Variants in CEP76 observed in about 807,000 individuals in gnomAD.
CEP76 encodes the protein centrosomal protein of 76 kDa.
In CEP76, 55 loss-of-function variants were observed where a neutral mutation model predicts 83.3. The observed-to-expected ratio is 0.66, with a 90% CI of 0.53 to 0.83. The LOEUF (loss-of-function observed/expected upper bound fraction) is 0.83, where lower values mean the gene tolerates loss of function less well. Among genes scored for constraint, CEP76 ranks in the 40% least tolerant of loss-of-function variants. The probability of loss-of-function intolerance (pLI) is 0.00; values close to 1 mark genes in which losing one functional copy is unlikely to be tolerated. For missense variants in CEP76, 694 were observed against 799.5 expected, an observed-to-expected ratio of 0.87 and a Z score of 1.59; for synonymous variants, 270 against 274.5, an observed-to-expected ratio of 0.98 and a Z score of 0.16.
chr18:12,666,707 C>T (rs1438479056), intron 12 of CEP76, among the ~76,000 whole-genome samples: 2 of 151,210 alleles, frequency 1.3e-5, no homozygotes, highest in Admixed American at 1.3e-4. Flanking sequence ...CCTTGGCCTC[C>T]TAAAGGGGTG....
At chr18:12,668,003 G>A (rs1302099943), downstream of CEP76, among the ~76,000 whole-genome samples, 3 of 151,890 alleles carry the variant, frequency 2.0e-5, no homozygotes, top group Admixed American at 1.3e-4. Flanking sequence ...AGTGGCTCAC[G>A]CCTGTAATCC....
chr18:12,682,482 C>A (rs961077003), intron 8 of CEP76, among the ~76,000 whole-genome samples: 3 of 152,074 alleles, frequency 2.0e-5, no homozygotes, highest in African/African-American at 7.2e-5. Flanking sequence ...AGCCACCTTA[C>A]CTGGCCAAGA....
intron 8 of CEP76, 162 bp downstream of exon 8, chr18:12,686,100 G>A: frequency 4.0e-6 from 2 of 495,922 alleles, no homozygotes; most frequent in Non-Finnish European, 7.0e-6. Context: ...ACTTTTGTAA[G>A]TATTTTTGAT....
At chr18:12,685,421 T>G (rs1369438347) in intron 8 of CEP76, 2 of 152,290 alleles carry the variant, frequency 1.3e-5, no homozygotes, top group East Asian at 3.9e-4. Context: ...TTTCTGACAT[T>G]TTAGTACTTG....
At position 12,673,326 on chromosome 18, in the gene CEP76, C is replaced by G. The variant is rs1391052613; in HGVS notation, c.*39G>C. ...AAGTAATGTACAATGTGTAAAATTC[C>G]AATTAAACACAGGTATAAATCTTAT... On this transcript the variant is annotated 3_prime_UTR_variant, in exon 12 of 12. Coordinates refer to ENST00000262127, the MANE Select transcript of CEP76 (RefSeq NM_024899.4). The G allele has an allele frequency of 1.3e-6, 2 of 1,563,624 alleles. No individual in the cohort carries two copies. Among genetic ancestry groups the G allele is most frequent in the East Asian group, 4.8e-5 (2 of 41,738 alleles).
intron 8 of CEP76, among the ~76,000 whole-genome samples, chr18:12,683,578 C>G (rs1426692115): frequency 6.6e-6 from 1 of 151,632 alleles, no homozygotes; most frequent in Non-Finnish European, 1.5e-5. Flanking sequence ...CAGTGAAACC[C>G]CATCTCTACT....
At chr18:12,689,973 G>A (rs1319066626) in intron 7 of CEP76, among the ~76,000 whole-genome samples, 1 of 152,158 alleles carries the variant, frequency 6.6e-6, no homozygotes, top group Non-Finnish European at 1.5e-5. Context: ...ATTTTTAGTA[G>A]AGACAAGGTT....
downstream of CEP76, chr18:12,670,314 AGT>A (rs1393046980): frequency 7.2e-5 from 11 of 152,082 alleles, no homozygotes; most frequent in African/African-American, 2.2e-4. Context: ...TGGGCAACAG[AGT>A]GAGACTCTGT....
chr18:12,693,547 G>A (rs2039842499), intron 6 of CEP76, among the ~76,000 whole-genome samples: 1 of 152,134 alleles, frequency 6.6e-6, no homozygotes, highest in African/African-American at 2.4e-5. Flanking sequence ...CACTTTGGGA[G>A]GCCGAGGCAG....
chr18:12,662,231 A>C (rs1197312055), intron 12 of CEP76: 2 of 437,938 alleles, frequency 4.6e-6, no homozygotes, highest in African/African-American at 4.1e-5. Context: ...TTGTAACCTA[A>C]ATTTTCATTG....
At position 12,683,186 on chromosome 18, in the gene CEP76, C is replaced by CAAAAAAA. The variant is rs765652085; in HGVS notation, c.1123-2365_1123-2359dup. On this transcript the variant is annotated intron_variant, in intron 8 of 11. Coordinates refer to ENST00000262127, the MANE Select transcript of CEP76 (RefSeq NM_024899.4). Reference sequence around the variant, plus strand: ...GAAACCCCATCTCTACTAAAAATACCAAAAAAAAAAAAAAAAAAGCCAGGC... The same window carrying CAAAAAAA: ...GAAACCCCATCTCTACTAAAAATACCAAAAAAAAAAAAAAAAAAAAAAAAAGCCAGGC... 3.8e-3 allele frequency among the ~76,000 whole-genome samples: 244 copies of CAAAAAAA among 63,594 alleles called. 3 individuals carry two copies. Among genetic ancestry groups the CAAAAAAA allele is most frequent in the Middle Eastern group, 0.014 (1 of 74 alleles). 41.7% of individuals were successfully genotyped at this position (63,594 alleles called of 152,430 possible). A position where few individuals can be genotyped will look rare whatever the true frequency, so the allele number is the denominator to read the frequency against.
chr18:12,664,821 C>T (rs1466734347), intron 12 of CEP76, among the ~76,000 whole-genome samples: 1 of 151,736 alleles, frequency 6.6e-6, no homozygotes, highest in Non-Finnish European at 1.5e-5. Flanking sequence ...GCCTCAGCCT[C>T]CTGAGTAGCT....
Sources: gnomAD v4.1 joint callset for allele counts (sites outside exome capture counted in the v4.1 genomes callset) on GRCh38, gnomAD v4.1.1 for gene constraint, MANE v1.5 for transcripts, NCBI Gene and HGNC (gene_info 2026-07-23, HGNC 2026-07-21) for gene names.